Variants in IKBKB-DT observed in about 807,000 individuals in gnomAD.
IKBKB-DT encodes the protein IKBKB antisense RNA.
At chr8:42,235,251 C>G (rs563357374) in intron 3 of IKBKB-DT, among the ~76,000 whole-genome samples, 1 of 143,336 alleles carries the variant, frequency 7.0e-6, no homozygotes, top group African/African-American at 2.7e-5. Flanking sequence ...GTCACCCACG[C>G]TGGAGTGCAG....
chr8:42,261,434 G>T (rs1222305487), intron 3 of IKBKB-DT, among the ~76,000 whole-genome samples: 1 of 152,008 alleles, frequency 6.6e-6, no homozygotes, highest in African/African-American at 2.4e-5. Flanking sequence ...TCTCCCCCTT[G>T]AGTGAAATAA....
intron 1 of IKBKB-DT, among the ~76,000 whole-genome samples, chr8:42,267,570 C>A (rs1249498940): frequency 1.3e-5 from 2 of 152,144 alleles, no homozygotes; most frequent in African/African-American, 4.8e-5. Context: ...CTTGGATCCC[C>A]TGGGTCAGTA....
intron 3 of IKBKB-DT, among the ~76,000 whole-genome samples, chr8:42,239,157 C>T (rs1006248605): frequency 6.6e-6 from 1 of 152,068 alleles, no homozygotes; most frequent in East Asian, 1.9e-4. Context: ...GATCCAGAGA[C>T]TCATAGTCTA....
intron 3 of IKBKB-DT, among the ~76,000 whole-genome samples, chr8:42,235,928 G>A (rs1170587493): frequency 1.3e-5 from 2 of 152,070 alleles, no homozygotes; most frequent in Non-Finnish European, 2.9e-5. Context: ...TGAGGCAGGA[G>A]GATTGCTTGA....
At chr8:42,251,645 A>T (rs1334508622) in intron 3 of IKBKB-DT, among the ~76,000 whole-genome samples, 1 of 152,082 alleles carries the variant, frequency 6.6e-6, no homozygotes, top group Non-Finnish European at 1.5e-5. Context: ...TTGAAGAGGA[A>T]ACTTTTTACT....
At chr8:42,240,360 C>T (rs1585459863) in intron 3 of IKBKB-DT, among the ~76,000 whole-genome samples, 1 of 152,000 alleles carries the variant, frequency 6.6e-6, no homozygotes, top group South Asian at 2.1e-4. Context: ...CACAGTGGCT[C>T]ACACCTGCAA....
intron 3 of IKBKB-DT, among the ~76,000 whole-genome samples, chr8:42,245,725 C>G (rs983874914): frequency 6.6e-6 from 1 of 152,162 alleles, no homozygotes; most frequent in Non-Finnish European, 1.5e-5. Flanking sequence ...AGCCCTTACC[C>G]GGAAAATGTA....
intron 3 of IKBKB-DT, among the ~76,000 whole-genome samples, chr8:42,239,636 T>A (rs2976670): frequency 0.13 from 3,526 of 26,372 alleles, 368 homozygotes; most frequent in Non-Finnish European, 0.15. Context: ...ATATATATAT[T>A]TATTTATTTA....
At chr8:42,261,300 C>G (rs770090918) in intron 3 of IKBKB-DT, among the ~76,000 whole-genome samples, 1 of 152,112 alleles carries the variant, frequency 6.6e-6, no homozygotes, top group Non-Finnish European at 1.5e-5. Flanking sequence ...TGCACTCCAG[C>G]CTGGGTGACA....
chr8:42,269,406 AAGCT>A (rs1233778104), intron 1 of IKBKB-DT, among the ~76,000 whole-genome samples: 3 of 120,846 alleles, frequency 2.5e-5, no homozygotes, highest in Admixed American at 9.6e-5. Context: ...AAAAAAAAGA[AAGCT>A]AGCAGCTGGG....
chr8:42,246,472 A>C (rs975322852), intron 3 of IKBKB-DT, among the ~76,000 whole-genome samples: 6 of 152,172 alleles, frequency 3.9e-5, no homozygotes, highest in African/African-American at 1.4e-4. Flanking sequence ...ATTGTTTTGC[A>C]CTTTAAAAAT....
rs997319209 is a variant in IKBKB-DT, at chr8:42,241,545, A to G, written n.1530-7686T>C. Among the ~76,000 whole-genome samples the G allele has an allele frequency of 2.0e-5, 3 of 152,270 alleles. No individual in the cohort carries two copies. The East Asian group carries it at 5.8e-4, about 29-fold the overall frequency. On this transcript the variant is annotated intron_variant and non_coding_transcript_variant, in intron 3 of 3. Transcript: ENST00000518213. ...ATTTTCCACTAAAAAAATACTAATC[A>G]CAGCAAGAACCAGGAAGATCTCACA...
rs35087510 is a variant in IKBKB-DT, at chr8:42,238,024, C to CAAAAAA, written n.1530-4171_1530-4166dup. Among the ~76,000 whole-genome samples the CAAAAAA allele has an allele frequency of 1.5e-3, 54 of 35,250 alleles. 3 individuals are homozygous for CAAAAAA. Among genetic ancestry groups the CAAAAAA allele is most frequent in the African/African-American group, 2.5e-3 (46 of 18,416 alleles). The allele number at this position is 35,250 out of a possible 152,430, so 23.1% of individuals were successfully genotyped here. On this transcript the variant is annotated intron_variant and non_coding_transcript_variant, in intron 3 of 3. Coordinates refer to ENST00000518213, the Ensembl canonical transcript of IKBKB-DT. ...TGGGCAACAGAGCAAGGCCCTCTCT[C>CAAAAAA]AAAAAAAAAAAAAAAAAAAAAAAAA...
chr8:42,236,366 C>T (rs748049175), intron 3 of IKBKB-DT, among the ~76,000 whole-genome samples: 1 of 152,084 alleles, frequency 6.6e-6, no homozygotes. Flanking sequence ...AGTTTAATAT[C>T]TCTCTGTAAA....
At chr8:42,255,691 C>G (rs1374335387) in intron 3 of IKBKB-DT, among the ~76,000 whole-genome samples, 1 of 152,084 alleles carries the variant, frequency 6.6e-6, no homozygotes, top group Non-Finnish European at 1.5e-5. Flanking sequence ...TCAATTGTGT[C>G]CCTGTTATAA....
chr8:42,258,157 T>C (rs1421405143), intron 3 of IKBKB-DT, among the ~76,000 whole-genome samples: 1 of 152,200 alleles, frequency 6.6e-6, no homozygotes, highest in Non-Finnish European at 1.5e-5. Flanking sequence ...TAAAACTTTG[T>C]AATTTTAAGA....
intron 3 of IKBKB-DT, among the ~76,000 whole-genome samples, chr8:42,238,218 C>T (rs1806949841): frequency 6.6e-6 from 1 of 151,484 alleles, no homozygotes. Context: ...CCCTTGAGAA[C>T]CAACATTGGC....
intron 3 of IKBKB-DT, among the ~76,000 whole-genome samples, chr8:42,246,573 T>C (rs1468148849): frequency 1.3e-5 from 2 of 152,214 alleles, no homozygotes; most frequent in Non-Finnish European, 2.9e-5. Flanking sequence ...CATCAAGTGA[T>C]GCTCACTAAA....
chr8:42,262,325 A>T (rs1185534280), intron 3 of IKBKB-DT, among the ~76,000 whole-genome samples: 1 of 151,810 alleles, frequency 6.6e-6, no homozygotes, highest in Non-Finnish European at 1.5e-5. Context: ...TTATTTAAAA[A>T]AAAAAAGAAA....
Sources: allele counts gnomAD v4.1 joint callset (sites outside exome capture counted in the v4.1 genomes callset), GRCh38; gene constraint gnomAD v4.1.1; transcripts MANE v1.5; gene names NCBI Gene and HGNC (gene_info 2026-07-23, HGNC 2026-07-21).